Variants in APOLD1 observed in about 807,000 individuals in gnomAD.
The protein encoded by APOLD1 is apolipoprotein L domain-containing protein 1.
In APOLD1, 22 loss-of-function variants were observed where a neutral mutation model predicts 15.3. The observed-to-expected ratio is 1.44, with a 90% confidence interval of 1.03 to 2.05. The LOEUF (loss-of-function observed/expected upper bound fraction) is 2.05. Among genes scored for constraint, APOLD1 ranks in the 30% most tolerant of loss-of-function variants. The probability of loss-of-function intolerance (pLI) is 0.00; values close to 1 mark genes in which losing one functional copy is unlikely to be tolerated. For missense variants in APOLD1, 394 were observed against 353.5 expected, an observed-to-expected ratio of 1.11 and a Z score of -0.92; for synonymous variants, 190 against 167.4, an observed-to-expected ratio of 1.13 and a Z score of -1.04.
intron 1 of APOLD1, among the ~76,000 whole-genome samples, chr12:12,770,506 G>A (rs1400065036): frequency 1.3e-5 from 2 of 150,168 alleles, no homozygotes; most frequent in East Asian, 3.9e-4. Context: ...GGAAAAAATC[G>A]CTGTTTGAGG....
At chr12:12,763,523 G>T (rs914997084) in intron 1 of APOLD1, among the ~76,000 whole-genome samples, 2 of 150,486 alleles carry the variant, frequency 1.3e-5, no homozygotes, top group African/African-American at 4.9e-5. Context: ...GTGGGGGGGG[G>T]GAAAACAATA....
chr12:12,783,501 C>CG (rs1285013212), upstream of APOLD1, among the ~76,000 whole-genome samples: 2 of 151,526 alleles, frequency 1.3e-5, no homozygotes, highest in Admixed American at 1.3e-4. Context: ...TTAGTAGAGA[C>CG]GGGGTCTTAC....
intron 1 of APOLD1, among the ~76,000 whole-genome samples, chr12:12,767,820 C>CT (rs1341673362): frequency 6.6e-6 from 1 of 151,904 alleles, no homozygotes; most frequent in Non-Finnish European, 1.5e-5. Flanking sequence ...GAGTCTCACT[C>CT]TGTCACTCGG....
At chr12:12,785,032 C>T (rs1947113376), upstream of APOLD1, among the ~76,000 whole-genome samples, 1 of 152,180 alleles carries the variant, frequency 6.6e-6, no homozygotes, top group South Asian at 2.1e-4. Context: ...ATGCATGTGA[C>T]CTGGAGTGTG....
At chr12:12,785,515 A>G, upstream of APOLD1, 3 of 1,031,990 alleles carry the variant, frequency 2.9e-6, no homozygotes, top group Non-Finnish European at 4.3e-6. Context: ...CTGGCAGGTC[A>G]TTTTCCACCA....
At chr12:12,758,142 T>C (rs1946871794) in intron 1 of APOLD1, among the ~76,000 whole-genome samples, 1 of 150,048 alleles carries the variant, frequency 6.7e-6, no homozygotes, top group Non-Finnish European at 1.5e-5. Flanking sequence ...TTCACTGTGT[T>C]AGCCAGGATG....
chr12:12,742,491 GCACGGTGGCT>G (rs1260731031), intron 1 of APOLD1, among the ~76,000 whole-genome samples: 1 of 151,842 alleles, frequency 6.6e-6, no homozygotes, highest in Non-Finnish European at 1.5e-5. Context: ...GGTCGGCCGG[GCACGGTGGCT>G]CACGCCTGTA....
At chr12:12,736,526 C>G (rs927179649) in intron 1 of APOLD1, among the ~76,000 whole-genome samples, 1 of 152,044 alleles carries the variant, frequency 6.6e-6, no homozygotes. Context: ...GACCCTGTCT[C>G]AAAAGAATAA....
chr12:12,785,792 A>C, intron 1 of APOLD1, 98 bp downstream of exon 1: 3 of 1,230,856 alleles, frequency 2.4e-6, no homozygotes, highest in African/African-American at 3.0e-5. Context: ...TTATGGAAGC[A>C]TGGAAGTAAA....
intron 1 of APOLD1, among the ~76,000 whole-genome samples, chr12:12,733,093 G>A (rs10845620): frequency 0.1 from 15,094 of 151,484 alleles, 821 homozygotes; most frequent in Non-Finnish European, 0.12. Context: ...AGAGGCAGAT[G>A]GATAAAGCCC....
chr12:12,758,936 G>T (rs1946878332), intron 1 of APOLD1, among the ~76,000 whole-genome samples: 2 of 152,120 alleles, frequency 1.3e-5, no homozygotes, highest in African/African-American at 4.8e-5. Context: ...GGGGCCATTA[G>T]GAAGTAAAAT....
chr12:12,776,739 C>T (rs1947038329), intron 1 of APOLD1, among the ~76,000 whole-genome samples: 1 of 152,084 alleles, frequency 6.6e-6, no homozygotes, highest in African/African-American at 2.4e-5. Context: ...CTTTTTCCCT[C>T]AGCAAAAAGC....
chr12:12,754,775 C>G (rs977198813), intron 1 of APOLD1, among the ~76,000 whole-genome samples: 1 of 150,962 alleles, frequency 6.6e-6, no homozygotes, highest in African/African-American at 2.4e-5. Context: ...CATGGTGGCT[C>G]ACACCTGTAA....
intron 1 of APOLD1, among the ~76,000 whole-genome samples, chr12:12,772,568 G>A (rs1234156448): frequency 6.6e-6 from 1 of 152,106 alleles, no homozygotes; most frequent in East Asian, 1.9e-4. Flanking sequence ...TCTCAGGAAC[G>A]GACAGATCCA....
chr12:12,786,644 C>T (rs1041413285), intron 1 of APOLD1: 8 of 985,080 alleles, frequency 8.1e-6, no homozygotes, highest in Non-Finnish European at 8.4e-6. Context: ...CGTTAACGTT[C>T]CCTGGGAGAG....
chr12:12,755,262 T>C (rs980317714), intron 1 of APOLD1, among the ~76,000 whole-genome samples: 4 of 152,110 alleles, frequency 2.6e-5, no homozygotes, highest in African/African-American at 9.7e-5. Flanking sequence ...ATGAGATCCC[T>C]AGCTCACTTC....
At chr12:12,772,964 T>G (rs1419340757) in intron 1 of APOLD1, among the ~76,000 whole-genome samples, 1 of 152,130 alleles carries the variant, frequency 6.6e-6, no homozygotes, top group Non-Finnish European at 1.5e-5. Context: ...ACTCCTGTAG[T>G]GCTACTCGAG....
chr12:12,787,523 G>T lies in APOLD1; in HGVS notation c.618G>T (p.Leu206=). The T allele has an allele frequency of 6.2e-7, 1 of 1,614,026 alleles. No individual in the cohort carries two copies. Among genetic ancestry groups the T allele is most frequent in the Middle Eastern group, 1.6e-4 (1 of 6,062 alleles). The change falls in exon 2 of 2, where the codon CTG becomes CTT. Residue 206 remains leucine (L), a synonymous_variant. Coordinates refer to ENST00000356591, the MANE Select transcript of APOLD1 (RefSeq NM_030817.3). The surrounding 1 kb of genome is among the most constrained non-coding windows in gnomAD (Gnocchi z 4.9). ...AGATTCAGAAACTGGCCGAGAGCCT[G>T]GAGTCCTGCACCGGGGCTCTGGACG... ...KAKIQKLAES[L]ESCTGALDEL... is the part of the protein sequence containing the mutation.
chr12:12,750,817 CA>C (rs369819532), intron 1 of APOLD1, among the ~76,000 whole-genome samples: 39 of 152,196 alleles, frequency 2.6e-4, no homozygotes, highest in African/African-American at 9.2e-4. Context: ...CTCTGTCACC[CA>C]GGCTGGAGTG....
Sources: allele counts gnomAD v4.1 joint callset (sites outside exome capture counted in the v4.1 genomes callset), GRCh38; gene constraint gnomAD v4.1.1; non-coding constraint Gnocchi (gnomAD v3.1); transcripts MANE v1.5; gene names NCBI Gene and HGNC (gene_info 2026-07-23, HGNC 2026-07-21).